Variants in ANKRD66 observed in about 807,000 individuals in gnomAD.
The protein encoded by ANKRD66 is ankyrin repeat domain-containing protein 66.
A neutral mutation model predicts 10.9 loss-of-function variants in ANKRD66; 10 were observed. The ratio of observed to expected loss-of-function variants is 0.91; its 90% CI spans 0.56 to 1.55. ANKRD66 has a LOEUF of 1.55. Among genes scored for constraint, ANKRD66 ranks in the 40% most tolerant of loss-of-function variants. The probability of loss-of-function intolerance (pLI) is 0.00; values close to 1 mark genes in which losing one functional copy is unlikely to be tolerated. For synonymous variants in ANKRD66, 85 were observed against 88.4 expected (o/e 0.96, Z 0.22); for missense variants, 252 against 242.9 (o/e 1.04, Z -0.25).
At chr6:46,752,816 C>A (rs74973899) in intron 3 of ANKRD66, among the ~76,000 whole-genome samples, 1 of 152,286 alleles carries the variant, frequency 6.6e-6, no homozygotes, top group African/African-American at 2.4e-5. Context: ...GAATCCCCCA[C>A]GCCTTACATA....
At position 46,753,628 on chromosome 6, in the gene ANKRD66, C is replaced by G. The variant is rs1220396859; in HGVS notation, c.164-94C>G. The G allele has an allele frequency of 1.6e-5, 20 of 1,236,096 alleles. No individual in the cohort carries two copies. In the Admixed American group the frequency reaches 5.7e-4, roughly 35 times the overall value. The allele number at this position is 1,236,096 out of a possible 1,614,324, so 76.6% of individuals were successfully genotyped here. A position where few individuals can be genotyped will look rare whatever the true frequency, so the allele number is the denominator to read the frequency against. Reference sequence around the variant, plus strand: ...GGAGGCTCCTCAAAGGCAAAGTTTCCCCTTCTATTGTGTTACCTAGACTGG... The same window carrying G: ...GGAGGCTCCTCAAAGGCAAAGTTTCGCCTTCTATTGTGTTACCTAGACTGG... On this transcript the variant is annotated intron_variant, in intron 3 of 4. Coordinates refer to ENST00000565422, the MANE Select transcript of ANKRD66 (RefSeq NM_001162435.3).
Position 46,758,866 on chromosome 6 carries a change from A to G in ANKRD66, c.536A>G (p.Asn179Ser). 1 of 1,551,584 alleles carries G rather than the reference A, an allele frequency of 6.4e-7. No homozygotes were observed. Among genetic ancestry groups the G allele is most frequent in the South Asian group, 1.2e-5 (1 of 84,054 alleles). The change falls in exon 5 of 5, where the codon AAT becomes AGT. Residue 179 changes from asparagine (N) to serine (S), a missense_variant. Asn to Ser is a conservative substitution (Grantham distance 46). Transcript: ENST00000565422. ...PSLNQNMNKK[N>S]KKSRGPTRPS... ...CTAAATCAAAACATGAATAAAAAGAATAAGAAAAGTCGAGGCCCCACCAGG... is the reference window on the plus strand; with the variant it reads ...CTAAATCAAAACATGAATAAAAAGAGTAAGAAAAGTCGAGGCCCCACCAGG...
intron 4 of ANKRD66, chr6:46,756,149 C>G (rs1766379719): frequency 2.4e-6 from 1 of 409,032 alleles, no homozygotes; most frequent in South Asian, 1.8e-5. Flanking sequence ...TTTGCAAGAT[C>G]TAAGATCATG....
Position 46,753,895 on chromosome 6 carries a change from C to A in ANKRD66, c.337C>A (p.Pro113Thr), listed in dbSNP as rs1214723371. 1.9e-6 allele frequency: 3 copies of A among 1,551,498 alleles called. No homozygotes were observed. The highest frequency in any genetic ancestry group is 2.6e-6 in the Non-Finnish European group (3 of 1,146,992). Residue 113 changes from proline to threonine, a missense_variant, in exon 4 of 5, where the codon CCG (proline) becomes ACG (threonine). Transcript: ENST00000565422. ...IDAPDFFGDTPKRIAQIYGQK... is the reference protein window; with the variant it reads ...IDAPDFFGDTTKRIAQIYGQK... The stretch of plus-strand genomic sequence containing the variant: ...CGCCCCTGACTTCTTTGGAGACACA[C>A]CGAAGAGGATTGCACAGATCTATGG...
intron 4 of ANKRD66, chr6:46,758,407 C>T (rs75617131): frequency 8.3e-4 from 195 of 233,990 alleles, no homozygotes; most frequent in African/African-American, 4.0e-3. Flanking sequence ...TAAAAATAAA[C>T]GAAAACAGTC....
intron 4 of ANKRD66, among the ~76,000 whole-genome samples, chr6:46,754,689 C>G (rs1053549418): frequency 6.6e-6 from 1 of 152,118 alleles, no homozygotes; most frequent in Non-Finnish European, 1.5e-5. Flanking sequence ...TCCGAAGAAC[C>G]TGAAAATGCA....
intron 4 of ANKRD66, among the ~76,000 whole-genome samples, chr6:46,754,886 C>G (rs1316523186): frequency 6.6e-6 from 1 of 152,124 alleles, no homozygotes; most frequent in Non-Finnish European, 1.5e-5. Flanking sequence ...TTCACTTTTC[C>G]CAATTTCATC....
Position 46,758,953 on chromosome 6 carries a change from T to G in ANKRD66, c.*32T>G, listed in dbSNP as rs566292161. On this transcript the variant is annotated 3_prime_UTR_variant, in exon 5 of 5. Transcript: ENST00000565422. ...AACCTTATGTTTTCTGGCAAGGAAC[T>G]TTCCCTGGTGCCAGAAATGAGGCTG... 1.1e-3 allele frequency: 1,662 copies of G among 1,510,538 alleles called. 35 individuals are homozygous for G. In the South Asian group the frequency reaches 0.02, roughly 18 times the overall value. 93.6% of individuals were successfully genotyped at this position (1,510,538 alleles called of 1,614,324 possible).
At position 46,758,782 on chromosome 6, in the gene ANKRD66, A is replaced by T; in HGVS notation, c.452A>T (p.Asp151Val). The change falls in exon 5 of 5, where the codon GAT (aspartate) becomes GTT (valine). Residue 151 changes from aspartate to valine, a missense_variant. Asp to Val is a radical substitution (Grantham distance 152). Coordinates refer to ENST00000565422, the MANE Select transcript of ANKRD66 (RefSeq NM_001162435.3). ...CAAQQKGLPL[D>V]ERDEDWDAKK... ...GCCCAGCAGAAGGGGCTGCCTCTGGATGAGCGTGATGAAGACTGGGATGCC... is the reference window on the plus strand; with the variant it reads ...GCCCAGCAGAAGGGGCTGCCTCTGGTTGAGCGTGATGAAGACTGGGATGCC... 2 of 1,551,336 alleles carry T rather than the reference A, an allele frequency of 1.3e-6. No individual in the cohort carries two copies. The highest frequency in any genetic ancestry group is 3.4e-4 in the Middle Eastern group (2 of 5,824).
At chr6:46,756,846 A>G (rs1766395008) in intron 4 of ANKRD66, 1 of 152,158 alleles carries the variant, frequency 6.6e-6, no homozygotes, top group Non-Finnish European at 1.5e-5. Flanking sequence ...ATTCCTTATG[A>G]CTTTTAAAAT....
At chr6:46,758,691 C>G in intron 4 of ANKRD66, 32 bp from the exon 5 acceptor site, 1 of 1,518,798 alleles carries the variant, frequency 6.6e-7, no homozygotes. Flanking sequence ...TCCTCCTGAT[C>G]CAAGTTCAGA....
intron 1 of ANKRD66, among the ~76,000 whole-genome samples, 180 bp from the exon 2 acceptor site, chr6:46,749,716 T>C (rs552826569): frequency 6.6e-6 from 1 of 152,090 alleles, no homozygotes; most frequent in Admixed American, 6.5e-5. Context: ...CAGCTGGGGA[T>C]ACTCCACCTC....
At chr6:46,748,998 G>T (rs774197464) in intron 1 of ANKRD66, among the ~76,000 whole-genome samples, 2 of 152,218 alleles carry the variant, frequency 1.3e-5, no homozygotes, top group African/African-American at 2.4e-5. Flanking sequence ...GCACACTATG[G>T]TCTACAGGCC....
chr6:46,747,597 C>T (rs71566589), intron 1 of ANKRD66, among the ~76,000 whole-genome samples: 102 of 152,294 alleles, frequency 6.7e-4, no homozygotes, highest in Middle Eastern at 3.4e-3. Flanking sequence ...TAGCATGTTT[C>T]AAGGTTCATC....
At chr6:46,753,998 T>A in intron 4 of ANKRD66, 48 bp downstream of exon 4, 1 of 1,472,502 alleles carries the variant, frequency 6.8e-7, no homozygotes, top group South Asian at 1.3e-5. Flanking sequence ...GGAACAGGAG[T>A]CTGTGATCAA....
chr6:46,759,316 G>A lies in ANKRD66; in HGVS notation c.*395G>A. The A allele has an allele frequency of 1.3e-5, 2 of 155,070 alleles. No individual in the cohort carries two copies. Among genetic ancestry groups the A allele is most frequent in the Admixed American group, 6.5e-5 (1 of 15,382 alleles). The allele number at this position is 155,070 out of a possible 1,614,324, so 9.6% of individuals were successfully genotyped here. A position where few individuals can be genotyped will look rare whatever the true frequency, so the allele number is the denominator to read the frequency against. On this transcript the variant is annotated 3_prime_UTR_variant, in exon 5 of 5. Transcript: ENST00000565422. ...GTCTACTTTTTCAACTGTAAATTTG[G>A]GAAAATTAAATTCAGATCAGATAAT...
chr6:46,753,944 T>A lies in ANKRD66; in HGVS notation c.386T>A (p.Leu129Gln), dbSNP rs779232733. The change falls in exon 4 of 5, where the codon CTG becomes CAG. Residue 129 changes from leucine to glutamine, a missense_variant. Transcript: ENST00000565422. ...IYGQKACVAFLEKAEPECQDH... is the reference protein window; with the variant it reads ...IYGQKACVAFQEKAEPECQDH... ...GGACAGAAAGCCTGTGTGGCATTTC[T>A]GGAAAAGTAAGTTTATTTTTTTTCC... 7.9e-5 allele frequency: 122 copies of A among 1,550,664 alleles called. No homozygotes were observed. The highest frequency in any genetic ancestry group is 9.9e-5 in the Non-Finnish European group (113 of 1,146,530).
chr6:46,752,191 G>C (rs756356875), intron 3 of ANKRD66, 80 bp downstream of exon 3: 3 of 1,310,664 alleles, frequency 2.3e-6, no homozygotes, highest in Admixed American at 4.1e-5. Flanking sequence ...CTATGTGGGG[G>C]AGTGGAACAA....
At chr6:46,753,515 G>C (rs1019110484) in intron 3 of ANKRD66, among the ~76,000 whole-genome samples, 1 of 152,110 alleles carries the variant, frequency 6.6e-6, no homozygotes, top group African/African-American at 2.4e-5. Context: ...TCAGGCCCTG[G>C]GTGGGAACAA....
Sources: allele counts gnomAD v4.1 joint callset (sites outside exome capture counted in the v4.1 genomes callset), GRCh38; gene constraint gnomAD v4.1.1; transcripts MANE v1.5; gene names NCBI Gene and HGNC (gene_info 2026-07-23, HGNC 2026-07-21).